The following SASH1 variants were observed in gnomAD, a reference collection of about 807,000 sequenced individuals.
SASH1 encodes the protein SAM and SH3 domain-containing protein 1.
Under a neutral mutation model 125.2 loss-of-function variants are expected in SASH1, and 44 were observed. That is an observed-to-expected ratio of 0.35 (90% CI 0.28 to 0.45). The LOEUF is 0.45. Ranked by LOEUF, SASH1 falls within the 20% of genes least tolerant of loss-of-function variation. The pLI, the probability that SASH1 is intolerant of heterozygous loss-of-function variation, is 1.00. For missense variants in SASH1, 1,426 were observed against 1,614.5 expected, an observed-to-expected ratio of 0.88 and a Z score of 2.00; for synonymous variants, 639 against 649.1, an observed-to-expected ratio of 0.98 and a Z score of 0.24.
At chr6:148,501,380 G>A (rs186766732) in intron 8 of SASH1, among the ~76,000 whole-genome samples, 114 of 152,240 alleles carry the variant, frequency 7.5e-4, no homozygotes, top group Admixed American at 7.3e-3. Context: ...AGAAACTAGC[G>A]CCTTAAATGC....
intron 2 of SASH1, among the ~76,000 whole-genome samples, chr6:148,410,360 C>T (rs182511708): frequency 6.6e-6 from 1 of 151,924 alleles, no homozygotes; most frequent in Non-Finnish European, 1.5e-5. Context: ...CTGCCTGCCT[C>T]GGCCTCCCAA....
At chr6:148,406,017 C>T (rs1784356192) in intron 2 of SASH1, among the ~76,000 whole-genome samples, 2 of 152,210 alleles carry the variant, frequency 1.3e-5, no homozygotes, top group Non-Finnish European at 2.9e-5. Flanking sequence ...ACATTTTCTG[C>T]AGGCAGAGAT....
At chr6:148,270,892 T>A (rs1779046360), upstream of SASH1, among the ~76,000 whole-genome samples, 1 of 150,490 alleles carries the variant, frequency 6.6e-6, no homozygotes, top group South Asian at 2.1e-4. Flanking sequence ...TCTCTGGACA[T>A]CTCATCCACA....
chr6:148,502,843 C>G (rs1285662701), intron 8 of SASH1, among the ~76,000 whole-genome samples: 1 of 152,208 alleles, frequency 6.6e-6, no homozygotes, highest in African/African-American at 2.4e-5. Context: ...ATGGCAGTTT[C>G]CTCTTCCCCT....
chr6:148,379,554 A>T (rs1394924467), intron 1 of SASH1, among the ~76,000 whole-genome samples: 1 of 152,138 alleles, frequency 6.6e-6, no homozygotes, highest in African/African-American at 2.4e-5. Flanking sequence ...AGTGAATTTT[A>T]TGGCACTCTC....
At chr6:148,371,034 C>A (rs891157906) in intron 1 of SASH1, among the ~76,000 whole-genome samples, 8 of 152,114 alleles carry the variant, frequency 5.3e-5, no homozygotes, top group Admixed American at 5.2e-4. Flanking sequence ...ATTCTCTTGG[C>A]GATCTCCTTG....
At chr6:148,468,672 G>A in intron 5 of SASH1, 87 bp downstream of exon 5, 1 of 818,612 alleles carries the variant, frequency 1.2e-6, no homozygotes, top group Non-Finnish European at 1.9e-6. Context: ...AAACCCACAA[G>A]AATCCTTCTA....
rs376351122 is a variant in SASH1, at chr6:148,439,317, C to T, written c.286-867C>T. Among the ~76,000 whole-genome samples, 55 of 152,202 alleles carry T rather than the reference C, an allele frequency of 3.6e-4. 2 individuals are homozygous for T. The highest frequency in any genetic ancestry group is 9.2e-4 in the African/African-American group (38 of 41,520). The stretch of plus-strand genomic sequence containing the variant: ...TATATTTCATTTATCAACTCGATAC[C>T]GCGCGAGTGTTTGTTTTTAAATTTC... On this transcript the variant is annotated intron_variant, in intron 2 of 19. Transcript: ENST00000367467.
intron 1 of SASH1, among the ~76,000 whole-genome samples, chr6:148,360,231 G>A (rs1159795296): frequency 1.3e-5 from 2 of 151,318 alleles, no homozygotes; most frequent in African/African-American, 4.9e-5. Context: ...TTTTAATCTA[G>A]TCAGTCATCG....
At chr6:148,525,135 A>T (rs903331182) in intron 10 of SASH1, 156 bp from the exon 11 acceptor site, 2 of 643,030 alleles carry the variant, frequency 3.1e-6, no homozygotes, top group Non-Finnish European at 5.6e-6. Flanking sequence ...GACATGACTC[A>T]TGTGTTTTTT....
chr6:148,443,882 G>A lies in SASH1; in HGVS notation c.386+3475G>A, dbSNP rs575026809. On this transcript the variant is annotated intron_variant, in intron 4 of 19. Coordinates refer to ENST00000367467, the MANE Select transcript of SASH1 (RefSeq NM_015278.5). The stretch of plus-strand genomic sequence containing the variant: ...TGCTTGCTGGGAGCCTTGCTGTTGA[G>A]TACAGGACCCTCAAAGGGTGACCTG... 1.3e-4 allele frequency among the ~76,000 whole-genome samples: 20 copies of A among 152,320 alleles called. No homozygotes were observed. The South Asian group carries it at 4.1e-3, about 32-fold the overall frequency.
chr6:148,289,053 G>C (rs1452363947), intron 1 of SASH1, among the ~76,000 whole-genome samples: 1 of 151,632 alleles, frequency 6.6e-6, no homozygotes, highest in Admixed American at 6.6e-5. Flanking sequence ...GGAGTGCAGC[G>C]GCATGATCTT....
chr6:148,451,231 C>G (rs1458326193), intron 4 of SASH1, among the ~76,000 whole-genome samples: 2 of 152,212 alleles, frequency 1.3e-5, no homozygotes, highest in Non-Finnish European at 2.9e-5. Flanking sequence ...TGAAATAGGG[C>G]TACAAATGGA....
the SASH1 span, among the ~76,000 whole-genome samples, chr6:148,223,242 C>T: frequency 9.2e-5 from 14 of 152,154 alleles, no homozygotes; most frequent in African/African-American, 3.1e-4. Flanking sequence ...TCAGTTTCCC[C>T]AAATGTGAAA....
At chr6:148,253,233 A>C in the SASH1 span, among the ~76,000 whole-genome samples, 1 of 152,252 alleles carries the variant, frequency 6.6e-6, no homozygotes, top group African/African-American at 2.4e-5. Context: ...TATATAGATC[A>C]GTGGAATCAA....
At chr6:148,261,222 T>G in the SASH1 span, among the ~76,000 whole-genome samples, 1 of 152,176 alleles carries the variant, frequency 6.6e-6, no homozygotes, top group African/African-American at 2.4e-5. Flanking sequence ...CTAGATAGAA[T>G]AGTCAACCCT....
intron 2 of SASH1, among the ~76,000 whole-genome samples, chr6:148,415,163 A>C (rs1261517512): frequency 6.6e-6 from 1 of 152,132 alleles, no homozygotes; most frequent in Non-Finnish European, 1.5e-5. Context: ...GAGTATTTTT[A>C]ATTTGAGAGA....
intron 2 of SASH1, among the ~76,000 whole-genome samples, chr6:148,403,713 G>A (rs1457476088): frequency 6.6e-6 from 1 of 151,936 alleles, no homozygotes; most frequent in Non-Finnish European, 1.5e-5. Flanking sequence ...TGTATTTTTA[G>A]TAGAGATTGG....
At chr6:148,402,121 G>A (rs1167895447) in intron 2 of SASH1, among the ~76,000 whole-genome samples, 2 of 152,068 alleles carry the variant, frequency 1.3e-5, no homozygotes, top group African/African-American at 2.4e-5. Flanking sequence ...CAATGCTAGC[G>A]ATGTGATAAT....
Sources: allele counts gnomAD v4.1 joint callset (sites outside exome capture counted in the v4.1 genomes callset), GRCh38; gene constraint gnomAD v4.1.1; transcripts MANE v1.5; gene names NCBI Gene and HGNC (gene_info 2026-07-23, HGNC 2026-07-21).